Variants in TTC7B observed in about 807,000 individuals in gnomAD.
The protein encoded by TTC7B is tetratricopeptide repeat protein 7B.
In TTC7B, 28 loss-of-function variants were observed where a neutral mutation model predicts 106.8. The observed-to-expected ratio is 0.26, with a 90% confidence interval of 0.19 to 0.36. The LOEUF is 0.36. Among genes scored for constraint, TTC7B ranks in the 10% least tolerant of loss-of-function variants. The pLI is 1.00. For missense variants in TTC7B, 862 were observed against 1,076.4 expected (o/e 0.80, Z 2.79); for synonymous variants, 405 against 430.6 (o/e 0.94, Z 0.74).
At chr14:90,716,866 CAG>C (rs968993897) in intron 5 of TTC7B, among the ~76,000 whole-genome samples, 2 of 151,980 alleles carry the variant, frequency 1.3e-5, no homozygotes, top group Admixed American at 6.6e-5. Flanking sequence ...TCAGCCAGAA[CAG>C]AGAGACAGAA....
intron 15 of TTC7B, among the ~76,000 whole-genome samples, chr14:90,641,569 A>G (rs1365420190): frequency 6.6e-6 from 1 of 152,260 alleles, no homozygotes; most frequent in Non-Finnish European, 1.5e-5. Flanking sequence ...AACTTTTAAT[A>G]AAGTATTCTT....
At chr14:90,634,694 C>G (rs1281965510) in intron 15 of TTC7B, among the ~76,000 whole-genome samples, 2 of 152,096 alleles carry the variant, frequency 1.3e-5, no homozygotes, top group African/African-American at 4.8e-5. Flanking sequence ...ATCGCTTGAA[C>G]CCGAGAGGCA....
chr14:90,635,759 CAA>C (rs34829977), intron 15 of TTC7B, among the ~76,000 whole-genome samples: 39,696 of 110,708 alleles, frequency 0.36, 5,893 homozygotes, highest in East Asian at 0.5. Context: ...GACTCTGTCT[CAA>C]AAAAAAAAAA....
In TTC7B at chr14:90,607,382, C is replaced by T. The variant is rs552011380; in HGVS notation, c.1966+3360G>A. ...ACTGCAGGGCTCTGCTTGTGTCGGA[C>T]GCCTGTGCCCTTTAAAGGGGACTTA... On this transcript the variant is annotated intron_variant, in intron 17 of 19. Coordinates refer to ENST00000328459, the MANE Select transcript of TTC7B (RefSeq NM_001010854.2). Among the ~76,000 whole-genome samples the T allele has an allele frequency of 4.4e-4, 67 of 152,230 alleles. 1 individual carries two copies. The highest frequency in any genetic ancestry group is 2.5e-3 in the East Asian group (13 of 5,174).
At chr14:90,546,429 C>T (rs959758934) in intron 19 of TTC7B, among the ~76,000 whole-genome samples, 10 of 152,262 alleles carry the variant, frequency 6.6e-5, no homozygotes, top group African/African-American at 1.7e-4. Context: ...GCACCAGCTG[C>T]GTCCAACCTT....
At chr14:90,778,811 C>G (rs951991089) in intron 3 of TTC7B, among the ~76,000 whole-genome samples, 1 of 152,212 alleles carries the variant, frequency 6.6e-6, no homozygotes, top group Admixed American at 6.5e-5. Flanking sequence ...TTTCCTAGCC[C>G]ATGGGGACGT....
rs183760543 is a variant in TTC7B, at chr14:90,807,565, T to C, written c.121+8610A>G. 9.9e-4 allele frequency among the ~76,000 whole-genome samples: 151 copies of C among 152,336 alleles called. 2 individuals are homozygous for C. The highest frequency in any genetic ancestry group is 8.5e-3 in the Admixed American group (130 of 15,298). ...ATCCTGAACTGTAAGTTTCCCTGCC[T>C]GGTGACCTGCTCACTCTATTTCTTC... On this transcript the variant is annotated intron_variant, in intron 1 of 19. Transcript: ENST00000328459. The surrounding 1 kb of genome is among the most constrained non-coding windows in gnomAD (Gnocchi z 4.1).
chr14:90,698,346 C>T (rs1303656535), intron 5 of TTC7B: 2 of 152,154 alleles, frequency 1.3e-5, no homozygotes, highest in Admixed American at 1.3e-4. Context: ...CGATTGCTTT[C>T]ATATCTTCAA....
intron 9 of TTC7B, among the ~76,000 whole-genome samples, chr14:90,667,522 C>G (rs1466351137): frequency 1.3e-5 from 2 of 152,154 alleles, no homozygotes; most frequent in Non-Finnish European, 2.9e-5. Context: ...TCCCCTACCC[C>G]CGCAAACAAC....
chr14:90,546,701 T>TA (rs1889849056), intron 19 of TTC7B, among the ~76,000 whole-genome samples: 1 of 152,090 alleles, frequency 6.6e-6, no homozygotes, highest in Non-Finnish European at 1.5e-5. Context: ...GATGACATAT[T>TA]ACCATATATT....
chr14:90,804,730 G>A (rs544205091), intron 1 of TTC7B, among the ~76,000 whole-genome samples: 2 of 152,320 alleles, frequency 1.3e-5, no homozygotes, highest in East Asian at 3.9e-4. Context: ...TTGGCACCTG[G>A]TCGACTGGAC....
chr14:90,719,553 C>T (rs893384508), intron 5 of TTC7B, among the ~76,000 whole-genome samples: 1 of 152,174 alleles, frequency 6.6e-6, no homozygotes, highest in Non-Finnish European at 1.5e-5. Context: ...TAAGCCAGGG[C>T]AGATGGCAAA....
In TTC7B at chr14:90,652,823, A is replaced by G. The variant is rs753177333; in HGVS notation, c.1517+18T>C. 1 of 1,613,674 alleles carries G rather than the reference A, an allele frequency of 6.2e-7. No individual in the cohort carries two copies. The highest frequency in any genetic ancestry group is 1.1e-5 in the South Asian group (1 of 91,080). On this transcript the variant is annotated intron_variant, in intron 13 of 19. Transcript: ENST00000328459. ...TGTCATTATGTACAGCCGAGTGAAA[A>G]GATGAACTCCCACTCACCTCTGAAA... is the stretch of plus-strand genomic sequence containing the variant.
At chr14:90,780,716 T>TGTTAGAAGGCACGGGCCTCACC (rs752477738) in intron 3 of TTC7B, 22 bp downstream of exon 3, 1 of 1,611,186 alleles carries the variant, frequency 6.2e-7, no homozygotes, top group African/African-American at 1.3e-5. Context: ...CGGGACACTG[T>TGTTAGAAGGCACGGGCCTCACC]GTTAGAAGGC....
chr14:90,731,975 A>C (rs1211135947), intron 4 of TTC7B, among the ~76,000 whole-genome samples: 1 of 152,168 alleles, frequency 6.6e-6, no homozygotes, highest in Non-Finnish European at 1.5e-5. Context: ...TAAAGTAAAA[A>C]ATTCAGTACA....
At position 90,720,135 on chromosome 14, in the gene TTC7B, C is replaced by T. The variant is rs541655492; in HGVS notation, c.698+9940G>A. Among the ~76,000 whole-genome samples, 27 of 152,058 alleles carry T rather than the reference C, an allele frequency of 1.8e-4. No individual in the cohort carries two copies. In the East Asian group the frequency reaches 5.2e-3, roughly 29 times the overall value. On this transcript the variant is annotated intron_variant, in intron 5 of 19. Transcript: ENST00000328459. ...CCAGGGAAGCCAAAAGACTGGACGC[C>T]CCTGACTAAACAATAAGATCACCAC...
intron 3 of TTC7B, among the ~76,000 whole-genome samples, chr14:90,764,579 T>G (rs1890611618): frequency 6.6e-6 from 1 of 152,114 alleles, no homozygotes; most frequent in Non-Finnish European, 1.5e-5. Flanking sequence ...AGAAATTATA[T>G]TTAGGATATA....
chr14:90,756,594 C>A (rs1890310814), intron 3 of TTC7B, among the ~76,000 whole-genome samples: 1 of 151,986 alleles, frequency 6.6e-6, no homozygotes, highest in Non-Finnish European at 1.5e-5. Context: ...GGGGTTTCAC[C>A]ATGTTAGCCA....
At chr14:90,731,410 C>T (rs1724339943) in intron 4 of TTC7B, among the ~76,000 whole-genome samples, 1 of 152,178 alleles carries the variant, frequency 6.6e-6, no homozygotes, top group Admixed American at 6.5e-5. Context: ...CCCAAACATC[C>T]TAGAGGTCTT....
Sources: allele counts gnomAD v4.1 joint callset (sites outside exome capture counted in the v4.1 genomes callset), GRCh38; gene constraint gnomAD v4.1.1; non-coding constraint Gnocchi (gnomAD v3.1); transcripts MANE v1.5; gene names NCBI Gene and HGNC (gene_info 2026-07-23, HGNC 2026-07-21).